PRR14L: variants seen among roughly 807,000 people sequenced by gnomAD.
The protein encoded by PRR14L is proline rich 14 like.
Under a neutral mutation model 155.0 loss-of-function variants are expected in PRR14L, and 80 were observed. The ratio of observed to expected loss-of-function variants is 0.52; its 90% confidence interval spans 0.43 to 0.62. The LOEUF (loss-of-function observed/expected upper bound fraction) is 0.62, where lower values mean the gene tolerates loss of function less well. Ranked by LOEUF, PRR14L falls within the 20% of genes least tolerant of loss-of-function variation. The pLI, the probability that PRR14L is intolerant of heterozygous loss-of-function variation, is 0.00. For synonymous variants in PRR14L, 883 were observed against 916.0 expected (o/e 0.96, Z 0.65); for missense variants, 2,469 against 2,548.0 (o/e 0.97, Z 0.67).
chr22:31,713,314 C>A lies in PRR14L; in HGVS notation c.4525G>T (p.Ala1509Ser), dbSNP rs111610929. The A allele has an allele frequency of 2.0e-3, 3,146 of 1,552,288 alleles. 35 individuals are homozygous for A. The African/African-American group carries it at 0.026, about 13-fold the overall frequency. ...GGAAGAACTCCTTTCTTCGCAAAGG[C>A]ACCATGTATTTGATCACACCCAGCA... ...SSAGCDQIHG[A>S]FAKKGVLPLK... is the part of the protein sequence containing the mutation. The change falls in exon 4 of 9, where the codon GCC becomes TCC. Residue 1509 changes from alanine to serine, a missense_variant. Transcript: ENST00000327423.
At chr22:31,732,372 G>A (rs1384882954) in intron 2 of PRR14L, among the ~76,000 whole-genome samples, 3 of 152,214 alleles carry the variant, frequency 2.0e-5, no homozygotes, top group Non-Finnish European at 4.4e-5. Context: ...CTAAACAGGA[G>A]TGTCTCACTG....
chr22:31,728,714 CAA>C (rs773127360), intron 2 of PRR14L, among the ~76,000 whole-genome samples: 48 of 78,852 alleles, frequency 6.1e-4, no homozygotes, highest in African/African-American at 9.3e-4. Context: ...GACTCCATCT[CAA>C]AAAAAAAAAA....
chr22:31,726,773 C>T lies in PRR14L; in HGVS notation c.475-1163G>A, dbSNP rs557723917. On this transcript the variant is annotated intron_variant, in intron 2 of 8. Coordinates refer to ENST00000327423, the MANE Select transcript of PRR14L (RefSeq NM_173566.3). ...TCACCTACTAACTACATGGTGCTGA[C>T]AGCAACCTTACAAGTGGCTGAAAGA... 6.6e-5 allele frequency among the ~76,000 whole-genome samples: 10 copies of T among 152,268 alleles called. No individual in the cohort carries two copies. In the East Asian group the frequency reaches 1.7e-3, roughly 26 times the overall value.
intron 8 of PRR14L, among the ~76,000 whole-genome samples, chr22:31,686,971 G>A (rs1242238041): frequency 6.6e-6 from 1 of 152,142 alleles, no homozygotes; most frequent in Non-Finnish European, 1.5e-5. Flanking sequence ...AAAAATCAAT[G>A]ATTATCAGTC....
At position 31,715,389 on chromosome 22, in the gene PRR14L, T is replaced by A. The variant is rs1444988475; in HGVS notation, c.2450A>T (p.Asp817Val). ...TTCATATTTTGTTATCAAAGAGTTA[T>A]CAACTTGCAGGCTGATTTTGCTGGA... Reference protein sequence around the residue: ...FKSSKISLQVDNSLITKYENA... With the variant: ...FKSSKISLQVVNSLITKYENA... Residue 817 changes from aspartate (D) to valine (V), a missense_variant, in exon 4 of 9, where the codon GAT (aspartate) becomes GTT (valine). Physicochemically the swap from Asp to Val is radical, Grantham distance 152 (BLOSUM62 -3). Around this residue, in one of 2 missense-constraint regions of PRR14L, gnomAD observed 2,363 missense variants for 2,371.6 expected, o/e 1.00. Coordinates refer to ENST00000327423, the MANE Select transcript of PRR14L (RefSeq NM_173566.3). 3 of 1,552,146 alleles carry A rather than the reference T, an allele frequency of 1.9e-6. No individual in the cohort carries two copies. The highest frequency in any genetic ancestry group is 2.6e-6 in the Non-Finnish European group (3 of 1,147,124).
At chr22:31,692,499 C>T (rs1414965430) in intron 7 of PRR14L, among the ~76,000 whole-genome samples, 1 of 152,116 alleles carries the variant, frequency 6.6e-6, no homozygotes, top group Non-Finnish European at 1.5e-5. Context: ...ACACTTTGTC[C>T]ATTTAAAAAA....
Position 31,706,428 on chromosome 22 carries a change from C to CTTTTTTTTT in PRR14L, c.5757-1703_5757-1702insAAAAAAAAA, listed in dbSNP as rs771902267. On this transcript the variant is annotated intron_variant, in intron 4 of 8. Coordinates refer to ENST00000327423, the MANE Select transcript of PRR14L (RefSeq NM_173566.3). ...TAATTCCTTTATAATTAAACTCTTC[C>CTTTTTTTTT]TTTTTCTTTTTTTTGAGACGGAGTC... is the stretch of plus-strand genomic sequence containing the variant. 1.6e-3 allele frequency among the ~76,000 whole-genome samples: 223 copies of CTTTTTTTTT among 142,200 alleles called. 7 individuals carry two copies. Among genetic ancestry groups the CTTTTTTTTT allele is most frequent in the African/African-American group, 5.8e-3 (209 of 36,086 alleles). The allele number at this position is 142,200 out of a possible 152,430, so 93.3% of individuals were successfully genotyped here.
chr22:31,744,539 C>T (rs1157175508), intron 1 of PRR14L, among the ~76,000 whole-genome samples: 9 of 152,126 alleles, frequency 5.9e-5, no homozygotes, highest in Admixed American at 5.9e-4. Context: ...CCCAAAAGTG[C>T]TGGAATTACA....
In PRR14L at chr22:31,714,849, T is replaced by C; in HGVS notation, c.2990A>G (p.Gln997Arg). The C allele has an allele frequency of 6.4e-7, 1 of 1,552,040 alleles. No individual in the cohort carries two copies. The highest frequency in any genetic ancestry group is 1.2e-5 in the South Asian group (1 of 84,066). The change falls in exon 4 of 9, where the codon CAG (glutamine) becomes CGG (arginine). Residue 997 changes from glutamine to arginine, a missense_variant. Coordinates refer to ENST00000327423, the MANE Select transcript of PRR14L (RefSeq NM_173566.3). Reference sequence around the variant, plus strand: ...GTGAGGCTCGGTGACAGTCTCTCTCTGGTCACTACTTAGCATCTCCTTGGC... The same window carrying C: ...GTGAGGCTCGGTGACAGTCTCTCTCCGGTCACTACTTAGCATCTCCTTGGC... ...QSAKEMLSSD[Q>R]RETVTEPHGE... is the part of the protein sequence containing the mutation.
chr22:31,716,915 T>C lies in PRR14L; in HGVS notation c.924A>G (p.Ala308=), dbSNP rs1356049133. ...ELCKPNLVCE[A]DDNHQQLHGH... ...CATGAAGCTGTTGGTGATTGTCATC[T>C]GCTTCACAGACCAGGTTTGGTTTAC... Residue 308 remains alanine (A), a synonymous_variant, in exon 4 of 9, where the codon GCA becomes GCG. Coordinates refer to ENST00000327423, the MANE Select transcript of PRR14L (RefSeq NM_173566.3). 1 of 1,552,088 alleles carries C rather than the reference T, an allele frequency of 6.4e-7. No homozygotes were observed. Among genetic ancestry groups the C allele is most frequent in the East Asian group, 2.4e-5 (1 of 40,930 alleles).
intron 4 of PRR14L, among the ~76,000 whole-genome samples, chr22:31,711,733 G>A (rs1200833938): frequency 8.0e-6 from 1 of 124,278 alleles, no homozygotes; most frequent in Non-Finnish European, 1.6e-5. Context: ...GCGGTAAGCC[G>A]ACATTGCACC....
chr22:31,733,753 C>T (rs1353490142), intron 2 of PRR14L, among the ~76,000 whole-genome samples: 1 of 152,086 alleles, frequency 6.6e-6, no homozygotes, highest in East Asian at 1.9e-4. Context: ...CTTGCTTGAA[C>T]CAGATACGTT....
chr22:31,723,746 C>T lies in PRR14L; in HGVS notation c.547+1792G>A, dbSNP rs131234. Among the ~76,000 whole-genome samples, 738 of 152,328 alleles carry T rather than the reference C, an allele frequency of 4.8e-3. 5 individuals are homozygous for T. Among genetic ancestry groups the T allele is most frequent in the African/African-American group, 0.017 (699 of 41,580 alleles). On this transcript the variant is annotated intron_variant, in intron 3 of 8. Transcript: ENST00000327423. ...CTGGGTGATAAACTGGGACAAATGT[C>T]CTTTTTCATAAGAAAGATTGGTGCT... is the stretch of plus-strand genomic sequence containing the variant.
chr22:31,698,538 A>G (rs1416682110), intron 7 of PRR14L, among the ~76,000 whole-genome samples: 3 of 151,986 alleles, frequency 2.0e-5, no homozygotes, highest in Non-Finnish European at 1.5e-5. Flanking sequence ...ACATCTCAAA[A>G]AAAAAAAAGA....
chr22:31,731,835 G>A (rs1417148908), intron 2 of PRR14L, among the ~76,000 whole-genome samples: 3 of 152,004 alleles, frequency 2.0e-5, no homozygotes, highest in South Asian at 2.1e-4. Flanking sequence ...GGATATAGTC[G>A]AATTACTGTT....
chr22:31,715,891 A>T lies in PRR14L; in HGVS notation c.1948T>A (p.Cys650Ser). The change falls in exon 4 of 9, where the codon TGT becomes AGT. Residue 650 changes from cysteine to serine, a missense_variant. Transcript: ENST00000327423. ...ELVVNKVESE[C>S]VLNQQVSLNS... is the part of the protein sequence containing the mutation. ...AGGGACACTTGTTGATTTAAAACACATTCACTTTCTACTTTGTTTACAACC... is the reference window on the plus strand; with the variant it reads ...AGGGACACTTGTTGATTTAAAACACTTTCACTTTCTACTTTGTTTACAACC... The T allele has an allele frequency of 6.4e-7, 1 of 1,551,666 alleles. No individual in the cohort carries two copies. The highest frequency in any genetic ancestry group is 8.7e-7 in the Non-Finnish European group (1 of 1,146,900).
Position 31,688,142 on chromosome 22 carries a change from CTATAAG to C in PRR14L, c.6179+8_6179+13del. On this transcript the variant is annotated splice_region_variant and intron_variant, in intron 8 of 8. Transcript: ENST00000327423. ...CAAATTCTTCCCTTTTATTTCCCAG[CTATAAG>C]TACCTACCTGTTTGCAGGAGGAGAT... 6.3e-7 allele frequency: 1 copy of C among 1,596,550 alleles called. No homozygotes were observed. Among genetic ancestry groups the C allele is most frequent in the Non-Finnish European group, 8.5e-7 (1 of 1,172,810 alleles).
rs1282094894 is a variant in PRR14L at position 31,712,425 on chromosome 22, C to A, written c.5414G>T (p.Gly1805Val). The change falls in exon 4 of 9, where the codon GGC (glycine) becomes GTC (valine). Residue 1805 changes from glycine (G) to valine (V), a missense_variant. Physicochemically the swap from Gly to Val is moderately radical, Grantham distance 109 (BLOSUM62 -3). Coordinates refer to ENST00000327423, the MANE Select transcript of PRR14L (RefSeq NM_173566.3). ...QPPAPLQDYGGTAIVQTRADC... is the reference protein window; with the variant it reads ...QPPAPLQDYGVTAIVQTRADC... ...TGCTCTGGTCTGGACTATGGCAGTGCCTCCATAGTCTTGGAGAGGAGCTGG... is the reference window on the plus strand; with the variant it reads ...TGCTCTGGTCTGGACTATGGCAGTGACTCCATAGTCTTGGAGAGGAGCTGG... The A allele has an allele frequency of 1.1e-5, 17 of 1,570,052 alleles. No homozygotes were observed. Among genetic ancestry groups the A allele is most frequent in the Non-Finnish European group, 1.4e-5 (16 of 1,157,010 alleles).
chr22:31,703,823 G>C (rs1327565988), intron 5 of PRR14L, 102 bp from the exon 6 acceptor site: 5 of 728,614 alleles, frequency 6.9e-6, no homozygotes, highest in Admixed American at 6.9e-5. Context: ...TTGAGAAGGA[G>C]TTTTGCTCTT....
Sources: allele counts gnomAD v4.1 joint callset (sites outside exome capture counted in the v4.1 genomes callset), GRCh38; gene constraint gnomAD v4.1.1; regional missense constraint gnomAD v4.1.1; transcripts MANE v1.5; gene names NCBI Gene and HGNC (gene_info 2026-07-23, HGNC 2026-07-21).